Variants in TMCC3 observed in about 807,000 individuals in gnomAD.
TMCC3 encodes transmembrane and coiled-coil domain family 3.
TMCC3 carries 28 observed loss-of-function variants against 40.2 expected under a neutral mutation model. That is an observed-to-expected ratio of 0.70 (90% CI 0.52 to 0.95). The LOEUF (loss-of-function observed/expected upper bound fraction) is 0.95, where lower values mean the gene tolerates loss of function less well. Ranked by LOEUF, TMCC3 falls within the 40% of genes least tolerant of loss-of-function variation. TMCC3 has a pLI of 0.00. For missense variants in TMCC3, 554 were observed against 615.2 expected, an observed-to-expected ratio of 0.90 and a Z score of 1.05; for synonymous variants, 255 against 248.5, an observed-to-expected ratio of 1.03 and a Z score of -0.25.
At chr12:94,583,169 C>G (rs191126180) in intron 1 of TMCC3, among the ~76,000 whole-genome samples, 63 of 150,034 alleles carry the variant, frequency 4.2e-4, no homozygotes, top group Non-Finnish European at 8.6e-4. Context: ...CAACCTCAAA[C>G]CACACCACAG....
chr12:94,605,971 A>C (rs2068780310), intron 1 of TMCC3, among the ~76,000 whole-genome samples: 1 of 152,178 alleles, frequency 6.6e-6, no homozygotes, highest in African/African-American at 2.4e-5. Context: ...GACTAAAATT[A>C]TATGTGGAAA....
At chr12:94,623,753 G>A (rs776161887) in intron 1 of TMCC3, among the ~76,000 whole-genome samples, 2 of 152,232 alleles carry the variant, frequency 1.3e-5, no homozygotes, top group African/African-American at 4.8e-5. Flanking sequence ...CACCCTTCCA[G>A]AGGTTGGGCC....
intron 1 of TMCC3, among the ~76,000 whole-genome samples, chr12:94,596,837 A>G (rs535786028): frequency 9.7e-4 from 147 of 152,148 alleles, no homozygotes; most frequent in African/African-American, 3.5e-3. Flanking sequence ...ATCAAGAAGA[A>G]CCTGCAACTG....
rs117254846 is a variant in TMCC3, at chr12:94,641,563, C to G, written c.78+8790G>C. On this transcript the variant is annotated intron_variant, in intron 1 of 3. Transcript: ENST00000261226. ...GCCATCGGACTCAAGTCCTGTCTTTCCCCTAGTGTTGGAGCAGATAATTGT... is the reference window on the plus strand; with the variant it reads ...GCCATCGGACTCAAGTCCTGTCTTTGCCCTAGTGTTGGAGCAGATAATTGT... Among the ~76,000 whole-genome samples the G allele has an allele frequency of 4.2e-3, 643 of 152,282 alleles. 37 individuals carry two copies. In the East Asian group the frequency reaches 0.11, roughly 25 times the overall value.
In TMCC3 at chr12:94,582,276, A is replaced by T. The variant is rs201691207; in HGVS notation, c.341T>A (p.Val114Asp). Residue 114 changes from valine (V) to aspartate (D), a missense_variant, in exon 2 of 4, where the codon GTC becomes GAC. Coordinates refer to ENST00000261226, the MANE Select transcript of TMCC3 (RefSeq NM_020698.4). Reference sequence around the variant, plus strand: ...TGATTTCTGATTCTTCTTCTCAAAGACTTGCTTGATACGTCCCGCCTGCTG... The same window carrying T: ...TGATTTCTGATTCTTCTTCTCAAAGTCTTGCTTGATACGTCCCGCCTGCTG... ...DKQQAGRIKQ[V>D]FEKKNQKSAH... The T allele has an allele frequency of 6.2e-7, 1 of 1,614,050 alleles. No individual in the cohort carries two copies. Among genetic ancestry groups the T allele is most frequent in the South Asian group, 1.1e-5 (1 of 91,078 alleles).
At chr12:94,606,331 CT>C (rs988573848) in intron 1 of TMCC3, among the ~76,000 whole-genome samples, 1 of 150,776 alleles carries the variant, frequency 6.6e-6, no homozygotes, top group Non-Finnish European at 1.5e-5. Flanking sequence ...CATGGGGCTT[CT>C]TTTTGCCTTG....
At chr12:94,604,287 A>G (rs1388264449) in intron 1 of TMCC3, among the ~76,000 whole-genome samples, 1 of 152,218 alleles carries the variant, frequency 6.6e-6, no homozygotes, top group African/African-American at 2.4e-5. Flanking sequence ...ACAAAGTACA[A>G]TTAGGGCTTG....
intron 1 of TMCC3, among the ~76,000 whole-genome samples, chr12:94,625,071 G>A (rs2068896297): frequency 6.6e-6 from 1 of 151,062 alleles, no homozygotes; most frequent in South Asian, 2.1e-4. Context: ...GAATCCGGGA[G>A]GCCAAGGTTG....
chr12:94,619,391 C>A (rs2068863620), intron 1 of TMCC3, among the ~76,000 whole-genome samples: 1 of 152,172 alleles, frequency 6.6e-6, no homozygotes. Context: ...ATTCAGGATT[C>A]CCTACTAAGC....
At position 94,636,878 on chromosome 12, in the gene TMCC3, T is replaced by C. The variant is rs114916528; in HGVS notation, c.78+13475A>G. Among the ~76,000 whole-genome samples the C allele has an allele frequency of 6.8e-3, 1,031 of 152,286 alleles. 11 individuals carry two copies. Among genetic ancestry groups the C allele is most frequent in the African/African-American group, 0.023 (959 of 41,556 alleles). The stretch of plus-strand genomic sequence containing the variant: ...AAAGGATCCCAAGCTTAAGAAGAGA[T>C]TGCAGTCCTGGTTGACACCTTGATT... On this transcript the variant is annotated intron_variant, in intron 1 of 3. Transcript: ENST00000261226.
intron 1 of TMCC3, among the ~76,000 whole-genome samples, chr12:94,626,461 G>T (rs910694958): frequency 6.6e-6 from 1 of 152,122 alleles, no homozygotes; most frequent in African/African-American, 2.4e-5. Flanking sequence ...ATGTAGCCAA[G>T]GCCTTACAAA....
chr12:94,645,605 T>C (rs886710199), intron 1 of TMCC3, among the ~76,000 whole-genome samples: 3 of 151,998 alleles, frequency 2.0e-5, no homozygotes. Flanking sequence ...GCCGAGCTAA[T>C]TTTTTTGTAT....
At chr12:94,613,571 A>G (rs1220940582) in intron 1 of TMCC3, among the ~76,000 whole-genome samples, 2 of 152,188 alleles carry the variant, frequency 1.3e-5, no homozygotes, top group African/African-American at 4.8e-5. Context: ...TTTTTTAGGT[A>G]TGAACACACA....
At chr12:94,590,063 G>A (rs1057491806) in intron 1 of TMCC3, among the ~76,000 whole-genome samples, 27 of 151,160 alleles carry the variant, frequency 1.8e-4, no homozygotes, top group African/African-American at 6.6e-4. Flanking sequence ...CACAGCTCTG[G>A]AGCCACATCA....
intron 1 of TMCC3, among the ~76,000 whole-genome samples, chr12:94,613,318 T>A (rs891700406): frequency 6.6e-6 from 1 of 151,414 alleles, no homozygotes; most frequent in Non-Finnish European, 1.5e-5. Context: ...ATAATAATAA[T>A]AATTAGCCAG....
intron 1 of TMCC3, among the ~76,000 whole-genome samples, chr12:94,604,467 T>C (rs2068770612): frequency 2.6e-5 from 4 of 152,054 alleles, no homozygotes; most frequent in Admixed American, 2.6e-4. Context: ...TGATAAGCTC[T>C]GCCCTAAGAG....
At chr12:94,601,585 G>C (rs1300658552) in intron 1 of TMCC3, among the ~76,000 whole-genome samples, 1 of 151,802 alleles carries the variant, frequency 6.6e-6, no homozygotes, top group African/African-American at 2.4e-5. Context: ...AACATTGTGG[G>C]GGGGCGAGGT....
intron 3 of TMCC3, among the ~76,000 whole-genome samples, chr12:94,576,672 G>C (rs753677079): frequency 3.3e-5 from 5 of 152,046 alleles, no homozygotes; most frequent in Non-Finnish European, 4.4e-5. Context: ...TAGAGATAGA[G>C]GGGTCTCACT....
chr12:94,631,275 G>A (rs189739699), intron 1 of TMCC3, among the ~76,000 whole-genome samples: 8 of 152,210 alleles, frequency 5.3e-5, no homozygotes, highest in Non-Finnish European at 1.5e-5. Flanking sequence ...AAGCCTAGGG[G>A]ATATGGGCTG....
Sources: gnomAD v4.1 joint callset for allele counts (sites outside exome capture counted in the v4.1 genomes callset) on GRCh38, gnomAD v4.1.1 for gene constraint, MANE v1.5 for transcripts, NCBI Gene and HGNC (gene_info 2026-07-23, HGNC 2026-07-21) for gene names.